The following TUBGCP5 variants were observed in gnomAD, a reference collection of about 807,000 sequenced individuals.
TUBGCP5 encodes gamma-tubulin complex component 5.
Under a neutral mutation model 134.7 loss-of-function variants are expected in TUBGCP5, and 98 were observed. That is an observed-to-expected ratio of 0.73 (90% CI 0.62 to 0.86). The LOEUF is 0.86. Ranked by LOEUF, TUBGCP5 falls within the 40% of genes least tolerant of loss-of-function variation. The probability of loss-of-function intolerance (pLI) is 0.00; values close to 1 mark genes in which losing one functional copy is unlikely to be tolerated. For synonymous variants in TUBGCP5, 456 were observed against 431.4 expected (o/e 1.06, Z -0.71); for missense variants, 1,150 against 1,244.8 (o/e 0.92, Z 1.15).
At chr15:23,008,569 A>G (rs2064857285) in intron 16 of TUBGCP5, 130 bp downstream of exon 16, 1 of 1,213,976 alleles carries the variant, frequency 8.2e-7, no homozygotes, top group South Asian at 1.3e-5. Context: ...CCATTTTCTA[A>G]TAAGTAAAAT....
intron 23 of TUBGCP5, among the ~76,000 whole-genome samples, chr15:22,993,542 T>TTG (rs2140359140): frequency 7.3e-6 from 1 of 137,544 alleles, no homozygotes; most frequent in African/African-American, 2.8e-5. Flanking sequence ...TTTTTTTTTT[T>TTG]TTTTTTTTTT....
chr15:23,025,121 C>T (rs959140640), intron 8 of TUBGCP5, among the ~76,000 whole-genome samples: 18 of 152,032 alleles, frequency 1.2e-4, no homozygotes, highest in African/African-American at 4.4e-4. Flanking sequence ...AGGCTGGTCT[C>T]GAACTCCTGA....
intron 13 of TUBGCP5, among the ~76,000 whole-genome samples, chr15:23,017,508 C>T (rs1012090282): frequency 6.6e-6 from 1 of 152,006 alleles, no homozygotes; most frequent in African/African-American, 2.4e-5. Flanking sequence ...AAGTTCCAGT[C>T]CTAAGGAATC....
At position 22,999,687 on chromosome 15, in the gene TUBGCP5, G is replaced by A. The variant is rs928923766; in HGVS notation, c.*133C>T. ...TCGTGCTGGGATTAGAGGCATGAGC[G>A]ACTGTGCCAGGCTGACTGTGGACAA... On this transcript the variant is annotated 3_prime_UTR_variant, in exon 23 of 23. Transcript: ENST00000615383. The A allele has an allele frequency of 8.4e-6, 8 of 954,426 alleles. No individual in the cohort carries two copies. Among genetic ancestry groups the A allele is most frequent in the East Asian group, 5.3e-5 (2 of 37,428 alleles). The allele number at this position is 954,426 out of a possible 1,614,324, so 59.1% of individuals were successfully genotyped here.
chr15:22,985,343 C>A lies in TUBGCP5; in HGVS notation c.*62-1732G>T, dbSNP rs149998590. 1.4e-3 allele frequency among the ~76,000 whole-genome samples: 217 copies of A among 151,914 alleles called. 4 individuals are homozygous for A. In the East Asian group the frequency reaches 0.036, roughly 25 times the overall value. ...AAGCGATTGTCCTGCCTCAGCCTTC[C>A]GAGTAGCTGGGATTACAGGCATGCG... On this transcript the variant is annotated intron_variant and NMD_transcript_variant, in intron 23 of 23. Transcript: ENST00000614508.
rs1274941580 is a variant in TUBGCP5, at chr15:23,026,063, C to T, written c.827+53G>A. 3 of 1,454,106 alleles carry T rather than the reference C, an allele frequency of 2.1e-6. No homozygotes were observed. In the Admixed American group the frequency reaches 7.0e-5, roughly 34 times the overall value. The allele number at this position is 1,454,106 out of a possible 1,614,324, so 90.1% of individuals were successfully genotyped here. ...AAGTTTCCTTTAATAAAAGTTTTTG[C>T]TTCTCAGTAATCAAGTCTCATAAAG... On this transcript the variant is annotated intron_variant, in intron 8 of 22. Transcript: ENST00000615383.
At chr15:23,014,800 A>G (rs2065224031) in intron 13 of TUBGCP5, among the ~76,000 whole-genome samples, 2 of 152,220 alleles carry the variant, frequency 1.3e-5, no homozygotes, top group African/African-American at 2.4e-5. Flanking sequence ...CTCATGTCCA[A>G]GGCTTGAGAA....
intron 9 of TUBGCP5, 122 bp from the exon 10 acceptor site, chr15:23,024,315 CA>C: frequency 9.3e-7 from 1 of 1,074,478 alleles, no homozygotes; most frequent in Non-Finnish European, 1.3e-6. Flanking sequence ...TAGTAGAAGA[CA>C]AAGTAATAAT....
chr15:23,002,283 G>C (rs1595818867), intron 21 of TUBGCP5, among the ~76,000 whole-genome samples: 1 of 152,214 alleles, frequency 6.6e-6, no homozygotes, highest in Admixed American at 6.5e-5. Flanking sequence ...CAGCCAATGG[G>C]AGATTTCGAA....
chr15:23,026,954 T>C (rs1251231133), intron 7 of TUBGCP5, among the ~76,000 whole-genome samples: 2 of 150,978 alleles, frequency 1.3e-5, no homozygotes, highest in Non-Finnish European at 3.0e-5. Context: ...AAAAGTAAAA[T>C]AAAATAAAAA....
chr15:23,033,589 T>C (rs1452773533), intron 3 of TUBGCP5, among the ~76,000 whole-genome samples: 1 of 149,744 alleles, frequency 6.7e-6, no homozygotes, highest in Non-Finnish European at 1.5e-5. Context: ...TGTTTCATAA[T>C]TATAAGAGTT....
At chr15:22,993,203 G>A (rs1285128491) in intron 23 of TUBGCP5, among the ~76,000 whole-genome samples, 1 of 150,464 alleles carries the variant, frequency 6.6e-6, no homozygotes, top group Admixed American at 6.6e-5. Context: ...GGCTTCAAGC[G>A]ATTCCCCTGC....
chr15:23,035,329 T>TAAA (rs71117460), intron 3 of TUBGCP5, among the ~76,000 whole-genome samples: 3 of 134,636 alleles, frequency 2.2e-5, no homozygotes, highest in East Asian at 2.1e-4. Context: ...CACTCAGTCT[T>TAAA]AAAAAAAAAA....
chr15:22,988,456 G>T (rs112478374), intron 23 of TUBGCP5, among the ~76,000 whole-genome samples: 1 of 151,642 alleles, frequency 6.6e-6, no homozygotes, highest in Admixed American at 6.6e-5. Flanking sequence ...TTTTTTGGCC[G>T]GTTGCGGTGG....
chr15:23,031,831 G>A (rs948924047), intron 5 of TUBGCP5, 119 bp downstream of exon 5: 1 of 623,626 alleles, frequency 1.6e-6, no homozygotes, highest in Non-Finnish European at 2.7e-6. Flanking sequence ...AATGACTCTA[G>A]CTTAGTGAAG....
intron 11 of TUBGCP5, among the ~76,000 whole-genome samples, chr15:23,020,940 G>A (rs1485680062): frequency 6.6e-6 from 1 of 152,134 alleles, no homozygotes; most frequent in African/African-American, 2.4e-5. Context: ...TGTTGCCCAG[G>A]CTGGAGTGTA....
At position 23,016,969 on chromosome 15, in the gene TUBGCP5, G is replaced by GATATGTATATATATATATATATATATAT. The variant is rs1555439436; in HGVS notation, c.1756+803_1756+804insATATATATATATATATATATATACATAT. On this transcript the variant is annotated intron_variant, in intron 13 of 22. Transcript: ENST00000615383. ...AGATGAATGGGTAAAAAAATTGTGAGATATATATATATATATATGTATATA... is the reference window on the plus strand; with the variant it reads ...AGATGAATGGGTAAAAAAATTGTGAGATATGTATATATATATATATATATATATATATATATATATATATATGTATATA... Among the ~76,000 whole-genome samples the GATATGTATATATATATATATATATATAT allele has an allele frequency of 7.2e-4, 79 of 109,416 alleles. 3 individuals are homozygous for GATATGTATATATATATATATATATATAT. The highest frequency in any genetic ancestry group is 2.6e-3 in the African/African-American group (73 of 27,800). The allele number at this position is 109,416 out of a possible 152,430, so 71.8% of individuals were successfully genotyped here. A position where few individuals can be genotyped will look rare whatever the true frequency, so the allele number is the denominator to read the frequency against.
chr15:22,988,455 C>A (rs942009712), intron 23 of TUBGCP5, among the ~76,000 whole-genome samples: 2 of 151,590 alleles, frequency 1.3e-5, no homozygotes, highest in Non-Finnish European at 2.9e-5. Context: ...TTTTTTTGGC[C>A]GGTTGCGGTG....
chr15:23,032,899 T>G, intron 3 of TUBGCP5, 75 bp from the exon 4 acceptor site: 1 of 1,098,802 alleles, frequency 9.1e-7, no homozygotes, highest in Non-Finnish European at 1.3e-6. Context: ...TAAAGATAAC[T>G]CCATGACAGT....
Sources: allele counts gnomAD v4.1 joint callset (sites outside exome capture counted in the v4.1 genomes callset), GRCh38; gene constraint gnomAD v4.1.1; transcripts MANE v1.5; gene names NCBI Gene and HGNC (gene_info 2026-07-23, HGNC 2026-07-21).